The following SLC39A11 variants were observed in gnomAD, a reference collection of about 807,000 sequenced individuals.
The protein encoded by SLC39A11 is solute carrier family 39 member 11, also known as zinc transporter ZIP11.
A neutral mutation model predicts 36.1 loss-of-function variants in SLC39A11; 33 were observed. The observed-to-expected ratio is 0.91, with a 90% CI of 0.69 to 1.22. The LOEUF (loss-of-function observed/expected upper bound fraction) is 1.22. Ranked by LOEUF, SLC39A11 falls within the 50% of genes most tolerant of loss-of-function variation. The pLI is 0.00. For missense variants in SLC39A11, 432 were observed against 430.3 expected, an observed-to-expected ratio of 1.00 and a Z score of -0.03; for synonymous variants, 166 against 170.3, an observed-to-expected ratio of 0.97 and a Z score of 0.20.
At chr17:72,894,323 C>A (rs551453869) in intron 5 of SLC39A11, among the ~76,000 whole-genome samples, 1 of 134,240 alleles carries the variant, frequency 7.4e-6, no homozygotes, top group African/African-American at 2.9e-5. Context: ...TATGGTATCA[C>A]TGCACTCCAG....
chr17:72,723,271 G>A (rs1452024474), intron 7 of SLC39A11, among the ~76,000 whole-genome samples: 8 of 151,996 alleles, frequency 5.3e-5, no homozygotes, highest in African/African-American at 1.9e-4. Flanking sequence ...AAATGAGCAC[G>A]TGTCTTAAAA....
chr17:72,924,143 C>G (rs1248423015), intron 5 of SLC39A11, among the ~76,000 whole-genome samples: 1 of 112,904 alleles, frequency 8.9e-6, no homozygotes, highest in Non-Finnish European at 1.7e-5. Context: ...GAGACCCCGT[C>G]TCAAAAAAAA....
intron 6 of SLC39A11, among the ~76,000 whole-genome samples, chr17:72,837,044 G>A (rs546379869): frequency 7.2e-5 from 11 of 152,102 alleles, no homozygotes; most frequent in African/African-American, 2.2e-4. Flanking sequence ...CTTGCAAGTC[G>A]GGGCCCTGGT....
intron 5 of SLC39A11, among the ~76,000 whole-genome samples, chr17:72,851,756 C>A (rs545436766): frequency 1.1e-4 from 16 of 152,192 alleles, no homozygotes; most frequent in African/African-American, 3.9e-4. Flanking sequence ...CTAACTGTAA[C>A]CAATTAAGCT....
chr17:72,966,033 T>A (rs2466510), intron 4 of SLC39A11, among the ~76,000 whole-genome samples: 140,320 of 152,290 alleles, frequency 0.92, 65,146 homozygotes, highest in Non-Finnish European at 0.98. Flanking sequence ...CTTGTAGAAG[T>A]CGTAGCACAC....
intron 7 of SLC39A11, chr17:72,663,689 T>A (rs558324470): frequency 6.6e-6 from 1 of 152,300 alleles, no homozygotes; most frequent in Non-Finnish European, 1.5e-5. Flanking sequence ...GACAGTCTCC[T>A]TAGATCATGA....
intron 6 of SLC39A11, chr17:72,839,830 G>T (rs540101932): frequency 6.6e-6 from 1 of 152,208 alleles, no homozygotes; most frequent in Non-Finnish European, 1.5e-5. Context: ...TGTTGAAGTG[G>T]TTAGGTGATG....
At chr17:72,763,529 C>G (rs2144585029) in intron 6 of SLC39A11, among the ~76,000 whole-genome samples, 1 of 152,280 alleles carries the variant, frequency 6.6e-6, no homozygotes, top group African/African-American at 2.4e-5. Flanking sequence ...TCTTACAGAA[C>G]CTGTATTTTG....
intron 7 of SLC39A11, among the ~76,000 whole-genome samples, chr17:72,674,566 G>C (rs183647691): frequency 6.6e-6 from 1 of 152,268 alleles, no homozygotes; most frequent in African/African-American, 2.4e-5. Context: ...TCTTAGGAGT[G>C]GGTTTCCTGG....
intron 4 of SLC39A11, among the ~76,000 whole-genome samples, chr17:72,981,816 A>G (rs1238298751): frequency 6.7e-6 from 1 of 149,886 alleles, no homozygotes; most frequent in Non-Finnish European, 1.5e-5. Flanking sequence ...CTGAATACAC[A>G]AGGAGCTCCA....
At chr17:72,721,087 C>CTTTTTTTTT (rs56090007) in intron 7 of SLC39A11, among the ~76,000 whole-genome samples, 1 of 126,550 alleles carries the variant, frequency 7.9e-6, no homozygotes. Flanking sequence ...TGTCCCTCGC[C>CTTTTTTTTT]TTTTTTTTTT....
chr17:72,714,296 C>T (rs2073245085), intron 7 of SLC39A11, among the ~76,000 whole-genome samples: 1 of 152,016 alleles, frequency 6.6e-6, no homozygotes, highest in Non-Finnish European at 1.5e-5. Context: ...GCGGAGGTTG[C>T]AGTGAGCTGA....
At chr17:72,946,579 G>A (rs1350304895) in intron 5 of SLC39A11, among the ~76,000 whole-genome samples, 2 of 152,168 alleles carry the variant, frequency 1.3e-5, no homozygotes, top group Non-Finnish European at 2.9e-5. Flanking sequence ...ACAGTGACTG[G>A]TCACCAATTT....
At chr17:72,713,677 GGACCCC>G (rs1333559566) in intron 7 of SLC39A11, among the ~76,000 whole-genome samples, 2 of 152,004 alleles carry the variant, frequency 1.3e-5, no homozygotes, top group African/African-American at 4.8e-5. Context: ...ATATCTAATT[GGACCCC>G]AAGTCTAGCT....
chr17:73,074,304 A>G (rs942161707), intron 3 of SLC39A11, among the ~76,000 whole-genome samples: 1 of 55,486 alleles, frequency 1.8e-5, no homozygotes, highest in African/African-American at 7.1e-5. Context: ...TATTCCCCCC[A>G]CCCCCCGCCC....
chr17:72,739,002 G>A (rs150286094), intron 6 of SLC39A11, among the ~76,000 whole-genome samples: 1 of 152,100 alleles, frequency 6.6e-6, no homozygotes, highest in Admixed American at 6.6e-5. Context: ...GGGGTCTGGA[G>A]CCCAAAGATC....
intron 7 of SLC39A11, among the ~76,000 whole-genome samples, chr17:72,675,078 C>T (rs2071197329): frequency 1.3e-5 from 2 of 152,152 alleles, no homozygotes; most frequent in Admixed American, 1.3e-4. Flanking sequence ...CGCTTCCATA[C>T]ACAAAGAGCT....
chr17:72,862,578 A>C (rs1046846191), intron 5 of SLC39A11, among the ~76,000 whole-genome samples: 8 of 152,196 alleles, frequency 5.3e-5, no homozygotes, highest in Non-Finnish European at 1.2e-4. Context: ...TGGAAAACAA[A>C]TGCCATTCAG....
intron 5 of SLC39A11, among the ~76,000 whole-genome samples, chr17:72,874,999 G>C (rs1409950647): frequency 6.6e-6 from 1 of 152,150 alleles, no homozygotes; most frequent in African/African-American, 2.4e-5. Flanking sequence ...AGGAGGGAGA[G>C]ACCAGAACCA....
Sources: gnomAD v4.1 joint callset for allele counts (sites outside exome capture counted in the v4.1 genomes callset) on GRCh38, gnomAD v4.1.1 for gene constraint, MANE v1.5 for transcripts, NCBI Gene and HGNC (gene_info 2026-07-23, HGNC 2026-07-21) for gene names.